The following LGI3 variants were observed in gnomAD, a reference collection of about 807,000 sequenced individuals.
The protein encoded by LGI3 is leucine-rich repeat LGI family member 3.
Under a neutral mutation model 55.4 loss-of-function variants are expected in LGI3, and 47 were observed. The observed-to-expected ratio is 0.85, with a 90% CI of 0.67 to 1.08. The LOEUF (loss-of-function observed/expected upper bound fraction) is 1.08. Ranked by LOEUF, LGI3 falls within the 50% of genes least tolerant of loss-of-function variation. The pLI is 0.00. For synonymous variants in LGI3, 326 were observed against 315.0 expected, an observed-to-expected ratio of 1.04 and a Z score of -0.37; for missense variants, 664 against 726.3, an observed-to-expected ratio of 0.91 and a Z score of 0.99.
In LGI3 at chr8:22,148,655, G is replaced by T. The variant is rs201217019; in HGVS notation, c.1152C>A (p.Gly384=). 3 of 1,613,918 alleles carry T rather than the reference G, an allele frequency of 1.9e-6. No homozygotes were observed. Among genetic ancestry groups the T allele is most frequent in the Non-Finnish European group, 2.5e-6 (3 of 1,179,992 alleles). ...ACACAATCAGCCGTGGCTTGCCCTC[G>T]CCGTCCACAAACTCCAGGTCGGTGT... The part of the protein sequence containing the change: ...HRDTDLEFVD[G]EGKPRLIVSS... The change falls in exon 8 of 8, where the codon GGC becomes GGA. Residue 384 remains glycine (G), a synonymous_variant. Coordinates refer to ENST00000306317, the MANE Select transcript of LGI3 (RefSeq NM_139278.4). The surrounding 1 kb of genome is among the most constrained non-coding windows in gnomAD (Gnocchi z 7.0).
rs1284292462 is a variant in LGI3 at position 22,148,252 on chromosome 8, T to C, written c.1555A>G (p.Met519Val). 1.9e-6 allele frequency: 3 copies of C among 1,614,044 alleles called. No homozygotes were observed. The highest frequency in any genetic ancestry group is 2.5e-6 in the Non-Finnish European group (3 of 1,180,000). ...AGTAGCTGGGCGTCCCCAGCAGGCA[T>C]GTAGCAGAAGGCCCGAGGAGCCTGC... ...AVQAPRAFCY[M>V]PAGDAQLLLA... is the part of the protein sequence containing the mutation. Residue 519 changes from methionine to valine, a missense_variant, in exon 8 of 8, where the codon ATG (methionine) becomes GTG (valine). Transcript: ENST00000306317. The surrounding 1 kb of genome is among the most constrained non-coding windows in gnomAD (Gnocchi z 7.0).
chr8:22,148,602 T>C lies in LGI3; in HGVS notation c.1205A>G (p.Tyr402Cys), dbSNP rs1370198649. The change falls in exon 8 of 8, where the codon TAT becomes TGT. Residue 402 changes from tyrosine to cysteine, a missense_variant. By Grantham distance (194) the Tyr-to-Cys change is radical (BLOSUM62 -2). Transcript: ENST00000306317. The surrounding 1 kb of genome is among the most constrained non-coding windows in gnomAD (Gnocchi z 7.0). Reference protein sequence around the residue: ...VSSSSQAPVIYQWSRTQKQFV... With the variant: ...VSSSSQAPVICQWSRTQKQFV... ...CTGCTTCTGGGTGCGACTCCACTGA[T>C]AGATGACGGGTGCCTGGGAGCTGCT... is the stretch of plus-strand genomic sequence containing the variant. 4 of 1,613,910 alleles carry C rather than the reference T, an allele frequency of 2.5e-6. No homozygotes were observed. The highest frequency in any genetic ancestry group is 3.4e-6 in the Non-Finnish European group (4 of 1,180,010).
At position 22,156,559 on chromosome 8, in the gene LGI3, C is replaced by A; in HGVS notation, c.-17G>T. On this transcript the variant is annotated 5_prime_UTR_variant, in exon 1 of 8. Coordinates refer to ENST00000306317, the MANE Select transcript of LGI3 (RefSeq NM_139278.4). ...CCCCGCCATGCTGCCCGCGATCTCT[C>A]CCTGGGGCCGGCGGCCGCGGCCCCC... is the stretch of plus-strand genomic sequence containing the variant. 9.2e-7 allele frequency: 1 copy of A among 1,085,436 alleles called. No individual in the cohort carries two copies. 67.2% of individuals were successfully genotyped at this position (1,085,436 alleles called of 1,614,324 possible).
In LGI3 at chr8:22,147,985, G is replaced by A; in HGVS notation, c.*175C>T. 1.7e-6 allele frequency: 1 copy of A among 603,346 alleles called. No homozygotes were observed. Among genetic ancestry groups the A allele is most frequent in the Non-Finnish European group, 2.9e-6 (1 of 344,526 alleles). 37.4% of individuals were successfully genotyped at this position (603,346 alleles called of 1,614,324 possible). A position where few individuals can be genotyped will look rare whatever the true frequency, so the allele number is the denominator to read the frequency against. On this transcript the variant is annotated 3_prime_UTR_variant, in exon 8 of 8. Transcript: ENST00000306317. ...TGTTCATGCTGATTGCAGTGATGAT[G>A]CACGTCCTCCTGGGCCAGTCCACGG...
At chr8:22,155,598 T>C (rs756405534) in intron 1 of LGI3, 135 bp from the exon 2 acceptor site, 1 of 726,668 alleles carries the variant, frequency 1.4e-6, no homozygotes, top group Non-Finnish European at 2.4e-6. Flanking sequence ...TTAGCCCCCA[T>C]CTGTGTGTCT....
intron 2 of LGI3, 134 bp downstream of exon 2, chr8:22,155,258 A>T: frequency 1.2e-6 from 1 of 834,842 alleles, no homozygotes; most frequent in Non-Finnish European, 2.0e-6. Context: ...ATCCTATCAG[A>T]ACAAAAGCAA....
chr8:22,155,978 G>A (rs1827489393), intron 1 of LGI3, among the ~76,000 whole-genome samples: 1 of 152,216 alleles, frequency 6.6e-6, no homozygotes, highest in Non-Finnish European at 1.5e-5. Context: ...TTCTCATCCT[G>A]CTCTGGCCGC....
chr8:22,151,354 A>G, intron 7 of LGI3, 135 bp downstream of exon 7: 1 of 812,642 alleles, frequency 1.2e-6, no homozygotes, highest in Non-Finnish European at 2.0e-6. Context: ...CTTCCCAAAG[A>G]CTGGAAAGTT....
intron 7 of LGI3, among the ~76,000 whole-genome samples, chr8:22,149,681 C>T (rs1015241279): frequency 6.6e-6 from 1 of 152,282 alleles, no homozygotes; most frequent in Non-Finnish European, 1.5e-5. Context: ...CCATACACTG[C>T]TCACCTGTCC....
Position 22,148,811 on chromosome 8 carries a change from T to G in LGI3, c.996A>C (p.Leu332=). ...AGTCACCGTCGATGCGGAAGGCTTC[T>G]AGGTCGTTAGGCTTGCGCACGCGCT... ...DPQRVRKPND[L]EAFRIDGDWY... is the part of the protein sequence containing the mutation. Residue 332 remains leucine (L), a synonymous_variant, in exon 8 of 8, where the codon CTA becomes CTC. Coordinates refer to ENST00000306317, the MANE Select transcript of LGI3 (RefSeq NM_139278.4). This position sits in a 1 kb window ranked among gnomAD's most constrained non-coding sequence, Gnocchi z 7.0. 1 of 1,614,162 alleles carries G rather than the reference T, an allele frequency of 6.2e-7. No individual in the cohort carries two copies. Among genetic ancestry groups the G allele is most frequent in the South Asian group, 1.1e-5 (1 of 91,076 alleles).
At position 22,147,055 on chromosome 8, in the gene LGI3, T is replaced by C. The variant is rs1827310849; in HGVS notation, c.*1105A>G. Reference sequence around the variant, plus strand: ...GAAAGGCAGTGCTCCTGGGGGCCTCTGTGGACTGGTGGGGCCAGGGCTGCA... The same window carrying C: ...GAAAGGCAGTGCTCCTGGGGGCCTCCGTGGACTGGTGGGGCCAGGGCTGCA... On this transcript the variant is annotated 3_prime_UTR_variant, in exon 8 of 8. Coordinates refer to ENST00000306317, the MANE Select transcript of LGI3 (RefSeq NM_139278.4). The C allele has an allele frequency of 6.6e-6, 1 of 152,230 alleles. No homozygotes were observed. The highest frequency in any genetic ancestry group is 2.4e-5 in the African/African-American group (1 of 41,444). 9.4% of individuals were successfully genotyped at this position (152,230 alleles called of 1,614,324 possible).
Position 22,148,683 on chromosome 8 carries a change from C to G in LGI3, c.1124G>C (p.Arg375Pro). ...YSHQALHPWHRDTDLEFVDGE... is the reference protein window; with the variant it reads ...YSHQALHPWHPDTDLEFVDGE... Reference sequence around the variant, plus strand: ...GTCCACAAACTCCAGGTCGGTGTCACGGTGCCAGGGGTGCAGTGCCTGGTG... The same window carrying G: ...GTCCACAAACTCCAGGTCGGTGTCAGGGTGCCAGGGGTGCAGTGCCTGGTG... Residue 375 changes from arginine (R) to proline (P), a missense_variant, in exon 8 of 8, where the codon CGT (arginine) becomes CCT (proline). Physicochemically the swap from Arg to Pro is moderately radical, Grantham distance 103. Transcript: ENST00000306317. This position sits in a 1 kb window ranked among gnomAD's most constrained non-coding sequence, Gnocchi z 7.0. 6.2e-7 allele frequency: 1 copy of G among 1,614,070 alleles called. No homozygotes were observed. Among genetic ancestry groups the G allele is most frequent in the Non-Finnish European group, 8.5e-7 (1 of 1,180,020 alleles).
chr8:22,153,987 G>A lies in LGI3; in HGVS notation c.475C>T (p.Leu159=), dbSNP rs1246092518. 8 of 1,614,118 alleles carry A rather than the reference G, an allele frequency of 5.0e-6. No homozygotes were observed. Among genetic ancestry groups the A allele is most frequent in the South Asian group, 1.1e-5 (1 of 91,080 alleles). ...CCTTACAAGTCATTCAGGATGTCCA[G>A]GGGCCGGAAGATGTCTCTGGGCAGT... is the stretch of plus-strand genomic sequence containing the variant. ...QTLPRDIFRP[L]DILNDLDLRG... Residue 159 remains leucine (L), a synonymous_variant, in exon 5 of 8, where the codon CTG becomes TTG. Transcript: ENST00000306317.
Position 22,156,324 on chromosome 8 carries a change from G to T in LGI3, c.206+13C>A, listed in dbSNP as rs1296466675. 1.1e-5 allele frequency: 18 copies of T among 1,610,630 alleles called. No homozygotes were observed. The highest frequency in any genetic ancestry group is 1.5e-5 in the Non-Finnish European group (18 of 1,179,270). ...TCCCTCCCCAACCCCCAAGGCCAGG[G>T]CTGGACACTCACAGGGAGATGACCT... On this transcript the variant is annotated intron_variant, in intron 1 of 7. Coordinates refer to ENST00000306317, the MANE Select transcript of LGI3 (RefSeq NM_139278.4).
chr8:22,147,644 T>G lies in LGI3; in HGVS notation c.*516A>C. 6.3e-6 allele frequency: 1 copy of G among 159,840 alleles called. No individual in the cohort carries two copies. The highest frequency in any genetic ancestry group is 1.7e-4 in the South Asian group (1 of 5,742). 9.9% of individuals were successfully genotyped at this position (159,840 alleles called of 1,614,324 possible). On this transcript the variant is annotated 3_prime_UTR_variant, in exon 8 of 8. Coordinates refer to ENST00000306317, the MANE Select transcript of LGI3 (RefSeq NM_139278.4). ...TCGGGGCGTGTGAGTGTGTAATGAG[T>G]GTGTCCGTCCGCGTCCATGTGAGCA...
In LGI3 at chr8:22,154,124, T is replaced by C. The variant is rs1275998161; in HGVS notation, c.422+18A>G. On this transcript the variant is annotated intron_variant, in intron 4 of 7. Coordinates refer to ENST00000306317, the MANE Select transcript of LGI3 (RefSeq NM_139278.4). The stretch of plus-strand genomic sequence containing the variant: ...AGGTGGGGCTTTGGTGCAGTGTGTG[T>C]ATGTGTGACGTACTCACAGGTGAGT... 6.2e-7 allele frequency: 1 copy of C among 1,612,900 alleles called. No homozygotes were observed. Among genetic ancestry groups the C allele is most frequent in the South Asian group, 1.1e-5 (1 of 91,052 alleles).
Position 22,151,555 on chromosome 8 carries a change from T to G in LGI3, c.763A>C (p.Ser255Arg). 3.1e-6 allele frequency: 5 copies of G among 1,614,130 alleles called. No individual in the cohort carries two copies. Among genetic ancestry groups the G allele is most frequent in the Non-Finnish European group, 4.2e-6 (5 of 1,180,002 alleles). The stretch of plus-strand genomic sequence containing the variant: ...TCCCACTTCAGGATGGTGCAGGCAC[T>G]GACTCCTGGCTGGGCCAGAGCCAAA... ...LYLALAQPGV[S>R]ACTILKWDYV... is the part of the protein sequence containing the mutation. The change falls in exon 7 of 8, where the codon AGT becomes CGT. Residue 255 changes from serine (S) to arginine (R), a missense_variant. Transcript: ENST00000306317.
At chr8:22,152,436 A>G (rs1465370821) in intron 5 of LGI3, among the ~76,000 whole-genome samples, 1 of 152,210 alleles carries the variant, frequency 6.6e-6, no homozygotes, top group South Asian at 2.1e-4. Context: ...TGTAGAGTCC[A>G]ATCAAACATA....
chr8:22,151,981 G>C lies in LGI3; in HGVS notation c.514C>G (p.Leu172Val), dbSNP rs752605753. Residue 172 changes from leucine to valine, a missense_variant, in exon 6 of 8, where the codon CTC (leucine) becomes GTC (valine). Leu to Val is a conservative substitution (Grantham distance 32). Coordinates refer to ENST00000306317, the MANE Select transcript of LGI3 (RefSeq NM_139278.4). ...CACTTCACCTTGCAGTCACAGTTGA[G>C]TGAGTTGCCCCGCAGGTCCCTGCAT... is the stretch of plus-strand genomic sequence containing the variant. ...LNDLDLRGNSLNCDCKVKWLV... is the reference protein window; with the variant it reads ...LNDLDLRGNSVNCDCKVKWLV... 1 of 1,606,536 alleles carries C rather than the reference G, an allele frequency of 6.2e-7. No homozygotes were observed. The highest frequency in any genetic ancestry group is 2.2e-5 in the East Asian group (1 of 44,744).
Sources: allele counts gnomAD v4.1 joint callset (sites outside exome capture counted in the v4.1 genomes callset), GRCh38; gene constraint gnomAD v4.1.1; non-coding constraint Gnocchi (gnomAD v3.1); transcripts MANE v1.5; gene names NCBI Gene and HGNC (gene_info 2026-07-23, HGNC 2026-07-21).